Variants in COL5A1 observed in about 807,000 individuals in gnomAD.
The protein encoded by COL5A1 is collagen type V alpha 1 chain.
In COL5A1, 16 loss-of-function variants were observed where a neutral mutation model predicts 263.7. That is an observed-to-expected ratio of 0.06 (90% CI 0.04 to 0.09). The LOEUF is 0.09. Among genes scored for constraint, COL5A1 ranks in the 10% least tolerant of loss-of-function variants. The pLI, the probability that COL5A1 is intolerant of heterozygous loss-of-function variation, is 1.00. For synonymous variants in COL5A1, 1,012 were observed against 1,004.5 expected, an observed-to-expected ratio of 1.01 and a Z score of -0.14; for missense variants, 2,036 against 2,540.5, an observed-to-expected ratio of 0.80 and a Z score of 4.27.
chr9:134,657,277 T>A (rs1041962469), intron 1 of COL5A1, among the ~76,000 whole-genome samples: 3 of 44,976 alleles, frequency 6.7e-5, no homozygotes, highest in South Asian at 1.7e-3. Context: ...AATACAGGGG[T>A]GGGGTAGAGG....
rs746861627 is a variant in COL5A1 at position 134,824,597 on chromosome 9, C to G, written c.4699-3C>G. On this transcript the variant is annotated splice_polypyrimidine_tract_variant and splice_region_variant and intron_variant, in intron 61 of 65. Coordinates refer to ENST00000371817, the MANE Select transcript of COL5A1 (RefSeq NM_000093.5). ...CCACCGCTGCTCCTGTTCTGTCCCC[C>G]AGGGCCCCCCGGGAGAGGTCATCCA... is the stretch of plus-strand genomic sequence containing the variant. 13 of 1,614,030 alleles carry G rather than the reference C, an allele frequency of 8.1e-6. No homozygotes were observed. The highest frequency in any genetic ancestry group is 1.1e-5 in the Non-Finnish European group (13 of 1,180,024).
rs575535171 is a variant in COL5A1 at position 134,767,048 on chromosome 9, G to A, written c.2182G>A (p.Ala728Thr). The A allele has an allele frequency of 8.8e-5, 142 of 1,613,364 alleles. No homozygotes were observed. The South Asian group carries it at 1.3e-3, about 15-fold the overall frequency. ...CCCAGGACAGCAGGGTAATCCAGGC[G>A]CCCAGGTAAGTGAGCCTGAGAGAGG... ...GPPGQQGNPG[A>T]QGLPGPQGAI... is the part of the protein sequence containing the mutation. The change falls in exon 23 of 66, where the codon GCC (alanine) becomes ACC (threonine). Residue 728 changes from alanine to threonine, a missense_variant. Around this residue, in one of 3 missense-constraint regions of COL5A1, gnomAD observed 1,078 missense variants for 1,521.4 expected, o/e 0.71. Coordinates refer to ENST00000371817, the MANE Select transcript of COL5A1 (RefSeq NM_000093.5).
In COL5A1 at chr9:134,749,600, G is replaced by A. The variant is rs551469112; in HGVS notation, c.1495-942G>A. 1.9e-4 allele frequency among the ~76,000 whole-genome samples: 29 copies of A among 152,282 alleles called. No individual in the cohort carries two copies. In the South Asian group the frequency reaches 2.9e-3, roughly 15 times the overall value. ...CATCATGGGTTTCCTGGCAGGGAGC[G>A]TCTCACTCAGGTGGTGTGAACACAC... On this transcript the variant is annotated intron_variant, in intron 11 of 65. Transcript: ENST00000371817.
chr9:134,784,952 G>GGGGGGGGCA, intron 29 of COL5A1, 37 bp from the exon 30 acceptor site: 11 of 1,483,500 alleles, frequency 7.4e-6, no homozygotes, highest in East Asian at 2.3e-5. Context: ...GTGTGTGCGG[G>GGGGGGGGCA]GGGTGGTCTT....
At chr9:134,808,859 C>G (rs950903681) in intron 42 of COL5A1, 1 of 427,082 alleles carries the variant, frequency 2.3e-6, no homozygotes, top group Admixed American at 3.6e-5. Context: ...AATCCACATA[C>G]AGGCTCAAGA....
At chr9:134,747,866 CAT>C (rs1194282826) in intron 11 of COL5A1, among the ~76,000 whole-genome samples, 1 of 151,280 alleles carries the variant, frequency 6.6e-6, no homozygotes, top group Non-Finnish European at 1.5e-5. Flanking sequence ...TTCATACACA[CAT>C]GCAGACACAT....
At chr9:134,692,562 A>G (rs1444448787) in intron 2 of COL5A1, among the ~76,000 whole-genome samples, 2 of 152,138 alleles carry the variant, frequency 1.3e-5, no homozygotes, top group Non-Finnish European at 2.9e-5. Context: ...CGAGGACCAC[A>G]TGGACTCTGG....
intron 11 of COL5A1, among the ~76,000 whole-genome samples, chr9:134,749,443 C>T (rs545862999): frequency 6.6e-6 from 1 of 152,330 alleles, no homozygotes; most frequent in South Asian, 2.1e-4. Flanking sequence ...GGAGTTACTT[C>T]TGCAACAAAA....
intron 18 of COL5A1, among the ~76,000 whole-genome samples, chr9:134,760,087 C>A (rs1365051686): frequency 2.3e-5 from 3 of 133,116 alleles, no homozygotes; most frequent in Admixed American, 1.5e-4. Context: ...CACACGCATA[C>A]ACGCCCACAC....
At chr9:134,725,352 G>A (rs1166332405) in intron 4 of COL5A1, among the ~76,000 whole-genome samples, 1 of 152,216 alleles carries the variant, frequency 6.6e-6, no homozygotes, top group Admixed American at 6.5e-5. Flanking sequence ...GAGACCAGGT[G>A]CAGGCTCTTT....
rs986559529 is a variant in COL5A1 at position 134,741,478 on chromosome 9, A to G, written c.1494+2670A>G. Among the ~76,000 whole-genome samples, 3 of 151,896 alleles carry G rather than the reference A, an allele frequency of 2.0e-5. No individual in the cohort carries two copies. The highest frequency in any genetic ancestry group is 4.8e-5 in the African/African-American group (2 of 41,312). On this transcript the variant is annotated intron_variant, in intron 11 of 65. Coordinates refer to ENST00000371817, the MANE Select transcript of COL5A1 (RefSeq NM_000093.5). This position sits in a 1 kb window ranked among gnomAD's most constrained non-coding sequence, Gnocchi z 4.5. ...ACAGATGGTGGGCAAGTGACTAGGAACTCCATGGAGGAACGAATGGAAGAT... is the reference window on the plus strand; with the variant it reads ...ACAGATGGTGGGCAAGTGACTAGGAGCTCCATGGAGGAACGAATGGAAGAT...
chr9:134,760,362 TACAC>T lies in COL5A1; in HGVS notation c.1936-1556_1936-1553del, dbSNP rs200286255. On this transcript the variant is annotated intron_variant, in intron 18 of 65. Transcript: ENST00000371817. ...ACACACCCCCACACACCCCCACACA[TACAC>T]ACACACCACACATGCATACACACCC... Among the ~76,000 whole-genome samples, 225 of 26,850 alleles carry T rather than the reference TACAC, an allele frequency of 8.4e-3. 2 individuals carry two copies. Among genetic ancestry groups the T allele is most frequent in the African/African-American group, 0.012 (52 of 4,370 alleles). The allele number at this position is 26,850 out of a possible 152,430, so 17.6% of individuals were successfully genotyped here.
intron 64 of COL5A1, among the ~76,000 whole-genome samples, chr9:134,831,033 A>G (rs749190697): frequency 2.6e-5 from 4 of 152,154 alleles, no homozygotes; most frequent in Admixed American, 6.5e-5. Flanking sequence ...CTTGGGATCC[A>G]GTGGCCCCAC....
intron 27 of COL5A1, among the ~76,000 whole-genome samples, chr9:134,778,677 C>T (rs1837139666): frequency 6.6e-6 from 1 of 152,354 alleles, no homozygotes; most frequent in South Asian, 2.1e-4. Flanking sequence ...CTGCCTCCGC[C>T]CTGTGCTGGG....
rs1327624409 is a variant in COL5A1, at chr9:134,667,611, G to T, written c.110-23301G>T. Among the ~76,000 whole-genome samples the T allele has an allele frequency of 2.0e-5, 3 of 152,234 alleles. No homozygotes were observed. The East Asian group carries it at 5.8e-4, about 29-fold the overall frequency. On this transcript the variant is annotated intron_variant, in intron 1 of 65. Coordinates refer to ENST00000371817, the MANE Select transcript of COL5A1 (RefSeq NM_000093.5). ...CAGCAGGGCCACCTGCTGTCGCTAG[G>T]CTTATCTCTTTCCACATCACAGGTA...
Position 134,776,129 on chromosome 9 carries a change from C to T in COL5A1, c.2385+1217C>T, listed in dbSNP as rs573165612. 3.3e-3 allele frequency among the ~76,000 whole-genome samples: 507 copies of T among 152,236 alleles called. 3 individuals are homozygous for T. Among genetic ancestry groups the T allele is most frequent in the Middle Eastern group, 0.017 (5 of 294 alleles). On this transcript the variant is annotated intron_variant, in intron 27 of 65. Transcript: ENST00000371817. ...CAGGAATGAGGACCTTCCAAGTTCACGAGGTATTGAAGAGAGACCTCCCAA... is the reference window on the plus strand; with the variant it reads ...CAGGAATGAGGACCTTCCAAGTTCATGAGGTATTGAAGAGAGACCTCCCAA...
intron 1 of COL5A1, among the ~76,000 whole-genome samples, chr9:134,661,319 G>C (rs1205624346): frequency 6.6e-6 from 1 of 151,680 alleles, no homozygotes; most frequent in Non-Finnish European, 1.5e-5. Flanking sequence ...GTGTTGCTGA[G>C]CTTCACACAG....
At chr9:134,698,119 C>T (rs1264617262) in intron 2 of COL5A1, among the ~76,000 whole-genome samples, 1 of 152,232 alleles carries the variant, frequency 6.6e-6, no homozygotes, top group Non-Finnish European at 1.5e-5. Context: ...AAAAACAAAG[C>T]TGATGGCTTG....
At chr9:134,788,640 G>T (rs867635188) in intron 31 of COL5A1, among the ~76,000 whole-genome samples, 2 of 151,054 alleles carry the variant, frequency 1.3e-5, no homozygotes, top group African/African-American at 4.9e-5. Flanking sequence ...TAGACAGATA[G>T]ATGGATAGAC....
Sources: allele counts gnomAD v4.1 joint callset (sites outside exome capture counted in the v4.1 genomes callset), GRCh38; gene constraint gnomAD v4.1.1; regional missense constraint gnomAD v4.1.1; non-coding constraint Gnocchi (gnomAD v3.1); transcripts MANE v1.5; gene names NCBI Gene and HGNC (gene_info 2026-07-23, HGNC 2026-07-21).